Variants in KLF17 observed in about 807,000 individuals in gnomAD.
KLF17 encodes KLF transcription factor 17, also known as Krueppel-like factor 17.
A neutral mutation model predicts 34.2 loss-of-function variants in KLF17; 31 were observed. That is an observed-to-expected ratio of 0.91 (90% CI 0.68 to 1.22). The LOEUF (loss-of-function observed/expected upper bound fraction) is 1.22, where lower values mean the gene tolerates loss of function less well. Ranked by LOEUF, KLF17 falls within the 50% of genes most tolerant of loss-of-function variation. The pLI is 0.00. For missense variants in KLF17, 478 were observed against 505.2 expected, an observed-to-expected ratio of 0.95 and a Z score of 0.52; for synonymous variants, 179 against 186.7, an observed-to-expected ratio of 0.96 and a Z score of 0.34.
At chr1:44,097,348 G>T in the KLF17 span, among the ~76,000 whole-genome samples, 5 of 152,228 alleles carry the variant, frequency 3.3e-5, no homozygotes, top group South Asian at 8.3e-4. Context: ...GGCTATGCGG[G>T]CTCTTTTTTG....
chr1:44,067,128 C>G, the KLF17 span, among the ~76,000 whole-genome samples: 31 of 152,154 alleles, frequency 2.0e-4, no homozygotes, highest in African/African-American at 6.8e-4. Context: ...GTCTAATCCT[C>G]TAACGCTATT....
At chr1:44,057,018 C>A in the KLF17 span, among the ~76,000 whole-genome samples, 1 of 151,944 alleles carries the variant, frequency 6.6e-6, no homozygotes, top group Admixed American at 6.6e-5. Context: ...TTCATTCCTG[C>A]GTGGAAACCA....
At chr1:44,096,547 C>T in the KLF17 span, among the ~76,000 whole-genome samples, 1 of 151,724 alleles carries the variant, frequency 6.6e-6, no homozygotes, top group Non-Finnish European at 1.5e-5. Context: ...TACAGGCGCC[C>T]ACCACCACGC....
chr1:44,104,290 CCAGCTT>C, the KLF17 span: 1 of 999,606 alleles, frequency 1.0e-6, no homozygotes, highest in Non-Finnish European at 1.3e-6. Context: ...AGCTCCGTCT[CCAGCTT>C]CAGCTTCTCC....
the KLF17 span, among the ~76,000 whole-genome samples, chr1:44,071,294 T>C: frequency 6.6e-6 from 1 of 152,226 alleles, no homozygotes; most frequent in African/African-American, 2.4e-5. Flanking sequence ...GGGTCTTTTC[T>C]ATCCCTCTCC....
the KLF17 span, among the ~76,000 whole-genome samples, chr1:44,097,789 C>G: frequency 6.6e-6 from 1 of 151,924 alleles, no homozygotes; most frequent in Non-Finnish European, 1.5e-5. Flanking sequence ...GAGGTATGTT[C>G]CTTCTATACC....
At chr1:44,103,980 G>C in the KLF17 span, 1 of 855,316 alleles carries the variant, frequency 1.2e-6, no homozygotes, top group Non-Finnish European at 2.0e-6. Context: ...CTCGTACTGC[G>C]CCTTGACCTC....
chr1:44,059,751 GT>G, the KLF17 span, among the ~76,000 whole-genome samples: 1 of 151,692 alleles, frequency 6.6e-6, no homozygotes, highest in South Asian at 2.1e-4. Context: ...CCACTGTTGT[GT>G]TAATGACACA....
chr1:44,057,082 C>A, the KLF17 span, among the ~76,000 whole-genome samples: 1 of 151,902 alleles, frequency 6.6e-6, no homozygotes, highest in Non-Finnish European at 1.5e-5. Flanking sequence ...CCTGCCTAAC[C>A]CTGGTGTTTG....
chr1:44,047,550 AT>A, the KLF17 span, among the ~76,000 whole-genome samples: 1 of 151,892 alleles, frequency 6.6e-6, no homozygotes, highest in African/African-American at 2.4e-5. Flanking sequence ...CCCCTGGAGC[AT>A]TGCTGGGGAC....
chr1:44,108,915 C>T, the KLF17 span, among the ~76,000 whole-genome samples: 1 of 152,154 alleles, frequency 6.6e-6, no homozygotes, highest in East Asian at 1.9e-4. Flanking sequence ...GATCTGCCCG[C>T]CTTGGCCTCC....
At chr1:44,080,418 T>G in the KLF17 span, among the ~76,000 whole-genome samples, 1 of 151,556 alleles carries the variant, frequency 6.6e-6, no homozygotes, top group Non-Finnish European at 1.5e-5. Flanking sequence ...TTTTATATTT[T>G]TAGTAGAGAC....
At chr1:44,112,462 G>A in the KLF17 span, among the ~76,000 whole-genome samples, 1 of 152,008 alleles carries the variant, frequency 6.6e-6, no homozygotes. Context: ...CTGGAGTACA[G>A]TGGCATGAAC....
At chr1:44,127,696 C>CTTTCTTTCTTTCTT (rs2088039200) in intron 1 of KLF17, among the ~76,000 whole-genome samples, 1 of 36,234 alleles carries the variant, frequency 2.8e-5, no homozygotes, top group Non-Finnish European at 6.7e-5. Context: ...CTTTCTTTTT[C>CTTTCTTTCTTTCTT]TTTCTTTCTT....
the KLF17 span, among the ~76,000 whole-genome samples, chr1:44,095,461 T>G: frequency 6.7e-6 from 1 of 148,908 alleles, no homozygotes; most frequent in Non-Finnish European, 1.5e-5. Context: ...GTGATCCACC[T>G]GCCTTGGCCT....
chr1:44,092,290 C>T, the KLF17 span, among the ~76,000 whole-genome samples: 2 of 143,866 alleles, frequency 1.4e-5, no homozygotes, highest in Non-Finnish European at 3.1e-5. Context: ...TGCGGTGAGC[C>T]GAGATCGAGC....
the KLF17 span, among the ~76,000 whole-genome samples, chr1:44,077,347 AAAAT>A: frequency 6.6e-6 from 1 of 152,194 alleles, no homozygotes; most frequent in African/African-American, 2.4e-5. Flanking sequence ...TCTGTCTCAA[AAAAT>A]AAATAAAAAA....
chr1:44,074,318 C>G, the KLF17 span, among the ~76,000 whole-genome samples: 1 of 152,070 alleles, frequency 6.6e-6, no homozygotes, highest in Non-Finnish European at 1.5e-5. Context: ...TCTCTGGTCT[C>G]TGTCCCCATC....
the KLF17 span, among the ~76,000 whole-genome samples, chr1:44,092,638 T>C: frequency 6.6e-6 from 1 of 151,970 alleles, no homozygotes; most frequent in South Asian, 2.1e-4. Flanking sequence ...CTTTAGCTTT[T>C]TTTTTTTTTC....
Sources: allele counts gnomAD v4.1 joint callset (sites outside exome capture counted in the v4.1 genomes callset), GRCh38; gene constraint gnomAD v4.1.1; transcripts MANE v1.5; gene names NCBI Gene and HGNC (gene_info 2026-07-23, HGNC 2026-07-21).